The following GPR179 variants were observed in gnomAD, a reference collection of about 807,000 sequenced individuals.
The protein encoded by GPR179 is probable G protein-coupled receptor 179.
GPR179 carries 52 observed loss-of-function variants against 70.8 expected under a neutral mutation model. The observed-to-expected ratio is 0.73, with a 90% CI of 0.59 to 0.93. The LOEUF (loss-of-function observed/expected upper bound fraction) is 0.93, where lower values mean the gene tolerates loss of function less well. GPR179 is among the 40% of genes least tolerant of loss of function. The pLI, the probability that GPR179 is intolerant of heterozygous loss-of-function variation, is 0.00. For synonymous variants in GPR179, 1,123 were observed against 1,169.0 expected (o/e 0.96, Z 0.80); for missense variants, 2,734 against 2,966.8 (o/e 0.92, Z 1.82).
At position 38,329,339 on chromosome 17, in the gene GPR179, C is replaced by A. The variant is rs1226172707; in HGVS notation, c.4230G>T (p.Arg1410Ser). ...KDLPQEKQKT[R>S]KATFWKEQKP... ...TCTGTTCTTTCCAAAAGGTTGCTTT[C>A]CTGGTTTTCTGCTTTTCCTGAGGGA... The change falls in exon 11 of 11, where the codon AGG becomes AGT. Residue 1410 changes from arginine (R) to serine (S), a missense_variant. Coordinates refer to ENST00000616987, the MANE Select transcript of GPR179 (RefSeq NM_001004334.4). 6.2e-7 allele frequency: 1 copy of A among 1,613,260 alleles called. No homozygotes were observed. The highest frequency in any genetic ancestry group is 8.5e-7 in the Non-Finnish European group (1 of 1,179,816).
chr17:38,328,022 C>T lies in GPR179; in HGVS notation c.5547G>A (p.Lys1849=), dbSNP rs563674113. The part of the protein sequence containing the change: ...SAEQREKALE[K]GRLTSLGEDV... ...CTTCTCCCAGGGAAGTGAGTCTCCC[C>T]TTTTCTAGAGCTTTCTCCCTCTGCT... is the stretch of plus-strand genomic sequence containing the variant. Residue 1849 remains lysine (K), a synonymous_variant, in exon 11 of 11, where the codon AAG becomes AAA. Coordinates refer to ENST00000616987, the MANE Select transcript of GPR179 (RefSeq NM_001004334.4). 6.2e-6 allele frequency: 10 copies of T among 1,614,150 alleles called. No homozygotes were observed. The East Asian group carries it at 2.0e-4, about 32-fold the overall frequency.
chr17:38,339,390 A>G (rs375366570), intron 2 of GPR179, 27 bp downstream of exon 2: 35 of 1,436,154 alleles, frequency 2.4e-5, no homozygotes, highest in South Asian at 4.6e-5. Flanking sequence ...GGACTCTAGT[A>G]GCGCCCCCCA....
intron 4 of GPR179, 107 bp from the exon 5 acceptor site, chr17:38,336,251 C>T (rs2037403875): frequency 1.3e-6 from 1 of 788,464 alleles, no homozygotes; most frequent in African/African-American, 1.7e-5. Context: ...AGGCTTCACC[C>T]TGTAACACTG....
Position 38,334,041 on chromosome 17 carries a change from G to A in GPR179, c.1785-3C>T, listed in dbSNP as rs1394125999. 1.6e-5 allele frequency: 26 copies of A among 1,609,216 alleles called. No homozygotes were observed. Among genetic ancestry groups the A allele is most frequent in the Non-Finnish European group, 2.0e-5 (24 of 1,175,834 alleles). On this transcript the variant is annotated splice_polypyrimidine_tract_variant and splice_region_variant and intron_variant, in intron 8 of 10. Coordinates refer to ENST00000616987, the MANE Select transcript of GPR179 (RefSeq NM_001004334.4). The surrounding 1 kb of genome is among the most constrained non-coding windows in gnomAD (Gnocchi z 4.7). ...GCAGAGAGGGAACCAGCACAAACCT[G>A]GGGCGGGATAGGGGCGCAGGTCATT...
chr17:38,333,541 T>C (rs2037377884), intron 9 of GPR179, 144 bp from the exon 10 acceptor site: 1 of 884,164 alleles, frequency 1.1e-6, no homozygotes, highest in African/African-American at 1.7e-5. Flanking sequence ...CTTTAGAGTT[T>C]TACTCCCCTC....
chr17:38,343,745 C>T lies in GPR179; in HGVS notation c.45G>A (p.Leu15=), dbSNP rs1468585915. 1.3e-6 allele frequency: 2 copies of T among 1,545,608 alleles called. No homozygotes were observed. Among genetic ancestry groups the T allele is most frequent in the South Asian group, 2.5e-5 (2 of 80,008 alleles). Residue 15 remains leucine (L), a synonymous_variant, in exon 1 of 11, where the codon CTG becomes CTA. Transcript: ENST00000616987. This position sits in a 1 kb window ranked among gnomAD's most constrained non-coding sequence, Gnocchi z 4.2. ...AGGCACAGACAAAACAGCAGCCCAG[C>T]AGCCCCCACATAGGAGGGGGCATGA... ...GAVMPPPMWG[L]LGCCFVCAWA...
In GPR179 at chr17:38,334,786, G is replaced by A; in HGVS notation, c.1702C>T (p.Leu568Phe). 2.5e-6 allele frequency: 4 copies of A among 1,613,592 alleles called. No homozygotes were observed. In the South Asian group the frequency reaches 3.3e-5, roughly 13 times the overall value. The stretch of plus-strand genomic sequence containing the variant: ...TAGCGTGGCTCATGGAAGGCCGAGA[G>A]CACAGCCCGTGTGGCGTAGCAGAGG... ...SFLCYATRAV[L>F]SAFHEPRYMG... is the part of the protein sequence containing the mutation. Residue 568 changes from leucine (L) to phenylalanine (F), a missense_variant, in exon 8 of 11, where the codon CTC becomes TTC. Transcript: ENST00000616987. This position sits in a 1 kb window ranked among gnomAD's most constrained non-coding sequence, Gnocchi z 4.7.
In GPR179 at chr17:38,339,439, AGG is replaced by A. The variant is rs2037431931; in HGVS notation, c.879_880del (p.Leu294ValfsTer2). On this transcript the variant is annotated frameshift_variant, in exon 2 of 11. Transcript: ENST00000616987. LOFTEE classifies it high-confidence loss of function. ...TACCTGGGTGCTGTTGAGATCACAC[AGG>A]TGTGTGTTAGAGTACCAGCCTGGGC... 1 of 1,612,548 alleles carries A rather than the reference AGG, an allele frequency of 6.2e-7. No homozygotes were observed. The highest frequency in any genetic ancestry group is 1.3e-5 in the African/African-American group (1 of 74,848).
Position 38,329,166 on chromosome 17 carries a change from C to G in GPR179, c.4403G>C (p.Gly1468Ala), listed in dbSNP as rs2037323933. The G allele has an allele frequency of 1.7e-5, 28 of 1,613,984 alleles. No homozygotes were observed. In the East Asian group the frequency reaches 6.2e-4, roughly 36 times the overall value. ...GIAEVCLWEA[G>A]DAPAIQKAEI... ...TGCTTTCTGGATAGCAGGAGCATCTCCTGCCTCCCACAGACACACTTCAGC... is the reference window on the plus strand; with the variant it reads ...TGCTTTCTGGATAGCAGGAGCATCTGCTGCCTCCCACAGACACACTTCAGC... The change falls in exon 11 of 11, where the codon GGA (glycine) becomes GCA (alanine). Residue 1468 changes from glycine to alanine, a missense_variant. Coordinates refer to ENST00000616987, the MANE Select transcript of GPR179 (RefSeq NM_001004334.4).
Position 38,330,282 on chromosome 17 carries a change from C to T in GPR179, c.3287G>A (p.Arg1096His), listed in dbSNP as rs574323993. Residue 1096 changes from arginine to histidine, a missense_variant, in exon 11 of 11, where the codon CGT becomes CAT. By Grantham distance (29) the Arg-to-His change is conservative. Transcript: ENST00000616987. Reference sequence around the variant, plus strand: ...CTTCTCTCTGTAGGTGCTCCGAGAACGGGTCAGAGCTTTAATCGCCAGCCC... The same window carrying T: ...CTTCTCTCTGTAGGTGCTCCGAGAATGGGTCAGAGCTTTAATCGCCAGCCC... ...SLGLAIKALT[R>H]SRSTYREKES... 2.1e-4 allele frequency: 343 copies of T among 1,606,220 alleles called. 4 individuals carry two copies. The South Asian group carries it at 3.4e-3, about 16-fold the overall frequency.
At position 38,336,144 on chromosome 17, in the gene GPR179, T is replaced by C. The variant is rs776824900; in HGVS notation, c.1228A>G (p.Arg410Gly). 5 of 1,609,288 alleles carry C rather than the reference T, an allele frequency of 3.1e-6. No individual in the cohort carries two copies. The East Asian group carries it at 1.1e-4, about 36-fold the overall frequency. ...LVSYRCRRNK[R>G]IWASGVVLLE... ...AGGACCACTCCAGATGCCCAGATCCTCTGTGAAGCAAGGAGAGAGGCATGT... is the reference window on the plus strand; with the variant it reads ...AGGACCACTCCAGATGCCCAGATCCCCTGTGAAGCAAGGAGAGAGGCATGT... Residue 410 changes from arginine (R) to glycine (G), a missense_variant and splice_region_variant, in exon 5 of 11, where the codon AGG becomes GGG. Transcript: ENST00000616987.
intron 1 of GPR179, among the ~76,000 whole-genome samples, chr17:38,341,730 G>A (rs1474553207): frequency 6.6e-6 from 1 of 152,178 alleles, no homozygotes; most frequent in Non-Finnish European, 1.5e-5. Flanking sequence ...CGTCAGGACA[G>A]GCAGGATAGT....
Position 38,333,413 on chromosome 17 carries a change from A to T in GPR179, c.1891-16T>A. On this transcript the variant is annotated splice_polypyrimidine_tract_variant and intron_variant, in intron 9 of 10. Coordinates refer to ENST00000616987, the MANE Select transcript of GPR179 (RefSeq NM_001004334.4). ...GCTTCCAGAACTGGCAGGGGTGCAT[A>T]AGAGTGGGAAAAAGACTCGCCCTGG... 1 of 1,611,034 alleles carries T rather than the reference A, an allele frequency of 6.2e-7. No individual in the cohort carries two copies. The highest frequency in any genetic ancestry group is 8.5e-7 in the Non-Finnish European group (1 of 1,178,654).
chr17:38,342,322 A>C lies in GPR179; in HGVS notation c.794+674T>G, dbSNP rs2037455547. Among the ~76,000 whole-genome samples, 3 of 148,004 alleles carry C rather than the reference A, an allele frequency of 2.0e-5. No homozygotes were observed. The South Asian group carries it at 6.3e-4, about 31-fold the overall frequency. ...TGGGGGCCAAGACCTCTGCCTGTCT[A>C]TACTGACACATCTTTTTTTTTTTTT... On this transcript the variant is annotated intron_variant, in intron 1 of 10. Transcript: ENST00000616987.
Position 38,328,759 on chromosome 17 carries a change from C to A in GPR179, c.4810G>T (p.Glu1604Ter), listed in dbSNP as rs1464221989. 2 of 1,613,858 alleles carry A rather than the reference C, an allele frequency of 1.2e-6. No homozygotes were observed. The highest frequency in any genetic ancestry group is 3.3e-5 in the Admixed American group (2 of 59,988). Residue 1604 changes from glutamate (E) to a stop codon, truncating the protein, a stop_gained, in exon 11 of 11, where the codon GAA becomes TAA. Coordinates refer to ENST00000616987, the MANE Select transcript of GPR179 (RefSeq NM_001004334.4). LOFTEE classifies it low-confidence loss of function (END_TRUNC). ...CTTGGCACCTGTGCTGATGTCCATT[C>A]CTCTCTTGTTCTTTCATTTACCTCC... Reference protein sequence around the residue: ...PWEVNERTREEWTSAQVPRGG... With the variant: ...PWEVNERTRE
chr17:38,333,225 AAGG>A (rs1294376136), intron 10 of GPR179, 23 bp downstream of exon 10: 1 of 1,608,328 alleles, frequency 6.2e-7, no homozygotes, highest in Non-Finnish European at 8.5e-7. Context: ...CTAGCATTGA[AAGG>A]AGGCAGGGAG....
chr17:38,331,590 G>A, intron 10 of GPR179, 59 bp from the exon 11 acceptor site: 2 of 1,539,748 alleles, frequency 1.3e-6, no homozygotes, highest in Non-Finnish European at 1.8e-6. Context: ...TCCCCTGGCT[G>A]TCTGTTCCTC....
chr17:38,330,016 G>A lies in GPR179; in HGVS notation c.3553C>T (p.Gln1185Ter). The A allele has an allele frequency of 4.3e-6, 7 of 1,614,218 alleles. No homozygotes were observed. The highest frequency in any genetic ancestry group is 5.1e-6 in the Non-Finnish European group (6 of 1,180,048). ...EQEDRGRRMT[Q>*]GLGERKAERA... is the part of the protein sequence containing the mutation. Reference sequence around the variant, plus strand: ...TCAGCTTTCCGTTCCCCTAGACCCTGGGTCATCCTCCTGCCTCTGTCTTCT... The same window carrying A: ...TCAGCTTTCCGTTCCCCTAGACCCTAGGTCATCCTCCTGCCTCTGTCTTCT... The change falls in exon 11 of 11, where the codon CAG becomes TAG. Residue 1185 changes from glutamine to a stop codon, truncating the protein, a stop_gained. Transcript: ENST00000616987. LOFTEE classifies it low-confidence loss of function (END_TRUNC).
Position 38,330,867 on chromosome 17 carries a change from G to A in GPR179, c.2702C>T (p.Ala901Val), listed in dbSNP as rs765851901. Reference protein sequence around the residue: ...LERPRGAPLSAPPSPAKSSSV... With the variant: ...LERPRGAPLSVPPSPAKSSSV... ...GCTGCTCTTGGCAGGGGAAGGTGGA[G>A]CTGACAGGGGGGCCCCTCGAGGCCG... is the stretch of plus-strand genomic sequence containing the variant. Residue 901 changes from alanine (A) to valine (V), a missense_variant, in exon 11 of 11, where the codon GCT (alanine) becomes GTT (valine). Coordinates refer to ENST00000616987, the MANE Select transcript of GPR179 (RefSeq NM_001004334.4). 1 of 1,600,956 alleles carries A rather than the reference G, an allele frequency of 6.2e-7. No individual in the cohort carries two copies. Among genetic ancestry groups the A allele is most frequent in the Non-Finnish European group, 8.5e-7 (1 of 1,174,108 alleles).
Sources: allele counts gnomAD v4.1 joint callset (sites outside exome capture counted in the v4.1 genomes callset), GRCh38; gene constraint gnomAD v4.1.1; non-coding constraint Gnocchi (gnomAD v3.1); transcripts MANE v1.5; gene names NCBI Gene and HGNC (gene_info 2026-07-23, HGNC 2026-07-21).